KMT2A: variants seen among roughly 807,000 people sequenced by gnomAD.
KMT2A encodes histone-lysine N-methyltransferase 2A.
Under a neutral mutation model 345.3 loss-of-function variants are expected in KMT2A, and 16 were observed. The observed-to-expected ratio is 0.05, with a 90% CI of 0.03 to 0.07. The LOEUF (loss-of-function observed/expected upper bound fraction) is 0.07. Ranked by LOEUF, KMT2A falls within the 10% of genes least tolerant of loss-of-function variation. The probability of loss-of-function intolerance (pLI) is 1.00; values close to 1 mark genes in which losing one functional copy is unlikely to be tolerated. For missense variants in KMT2A, 3,272 were observed against 4,841.6 expected (o/e 0.68, Z 9.62); for synonymous variants, 1,599 against 1,778.6 (o/e 0.90, Z 2.54).
At chr11:118,451,244 C>G in intron 1 of KMT2A, among the ~76,000 whole-genome samples, 1 of 137,322 alleles carries the variant, frequency 7.3e-6, no homozygotes, top group South Asian at 2.4e-4. Context: ...CAGGTTTTTG[C>G]TCTTCCACCC....
Position 118,497,496 on chromosome 11 carries a change from A to C in KMT2A, c.5665-440A>C, listed in dbSNP as rs1164639563. Among the ~76,000 whole-genome samples, 2 of 152,088 alleles carry C rather than the reference A, an allele frequency of 1.3e-5. No homozygotes were observed. The highest frequency in any genetic ancestry group is 4.8e-5 in the African/African-American group (2 of 41,402). ...CTGCAATCTCGGCTTCCGGGGCTCA[A>C]GTGATCCTCCTACCTCAGCCTCCTG... On this transcript the variant is annotated intron_variant, in intron 20 of 35. Coordinates refer to ENST00000534358, the MANE Select transcript of KMT2A (RefSeq NM_001197104.2). This position sits in a 1 kb window ranked among gnomAD's most constrained non-coding sequence, Gnocchi z 4.8.
At position 118,523,204 on chromosome 11, in the gene KMT2A, C is replaced by T. The variant is rs1163053685; in HGVS notation, c.*1032C>T. 3 of 229,358 alleles carry T rather than the reference C, an allele frequency of 1.3e-5. No homozygotes were observed. Among genetic ancestry groups the T allele is most frequent in the Non-Finnish European group, 2.6e-5 (3 of 115,470 alleles). The allele number at this position is 229,358 out of a possible 1,614,324, so 14.2% of individuals were successfully genotyped here. ...CATGCAACAACGAGAGTATCACAGC[C>T]AGGATGACCCTTGGGTCCCATTCCT... On this transcript the variant is annotated 3_prime_UTR_variant, in exon 36 of 36. Transcript: ENST00000534358.
In KMT2A at chr11:118,501,116, G is replaced by A; in HGVS notation, c.6288G>A (p.Arg2096=). Residue 2096 remains arginine, a synonymous_variant, in exon 25 of 36, where the codon AGG becomes AGA. Transcript: ENST00000534358. ...GCACTGTTGAACATGATGAAAACAG[G>A]ACCATTGCCCATAGTCCAACATCTT... ...INSTVEHDEN[R]TIAHSPTSFT... 1 of 1,614,064 alleles carries A rather than the reference G, an allele frequency of 6.2e-7. No homozygotes were observed. The highest frequency in any genetic ancestry group is 8.5e-7 in the Non-Finnish European group (1 of 1,179,984).
At chr11:118,492,074 A>G in intron 15 of KMT2A, 146 bp downstream of exon 15, 1 of 621,594 alleles carries the variant, frequency 1.6e-6, no homozygotes, top group Admixed American at 2.9e-5. Context: ...AGAGCCAAGA[A>G]TAGGACCTTC....
At position 118,447,283 on chromosome 11, in the gene KMT2A, T is replaced by C. The variant is rs184665705; in HGVS notation, c.432+10339T>C. On this transcript the variant is annotated intron_variant, in intron 1 of 35. Transcript: ENST00000534358. ...TAAGACACGGGCCATTTCTAAGTCA[T>C]CATTTATGTTTTATGTTTTTTATAA... Among the ~76,000 whole-genome samples, 247 of 152,364 alleles carry C rather than the reference T, an allele frequency of 1.6e-3. No homozygotes were observed. The Middle Eastern group carries it at 0.034, about 21-fold the overall frequency.
intron 31 of KMT2A, among the ~76,000 whole-genome samples, chr11:118,514,736 C>G (rs376154793): frequency 2.8e-4 from 42 of 151,996 alleles, no homozygotes; most frequent in Admixed American, 3.9e-4. Flanking sequence ...CGAATTCAAG[C>G]GATTCTCCTG....
rs524616 is a variant in KMT2A at position 118,498,551 on chromosome 11, A to T, written c.5961+23A>T. On this transcript the variant is annotated intron_variant, in intron 22 of 35. Transcript: ENST00000534358. The surrounding 1 kb of genome is among the most constrained non-coding windows in gnomAD (Gnocchi z 4.4). ...GAAGTGAGAGAGCTTTAGTTGCTTT[A>T]AAAAAAAAAAAAAAGACTTTTTTAG... 31 of 177,592 alleles carry T rather than the reference A, an allele frequency of 1.7e-4. No homozygotes were observed. The highest frequency in any genetic ancestry group is 6.2e-4 in the South Asian group (4 of 6,416). 11.0% of individuals were successfully genotyped at this position (177,592 alleles called of 1,614,324 possible). A position where few individuals can be genotyped will look rare whatever the true frequency, so the allele number is the denominator to read the frequency against.
At position 118,522,225 on chromosome 11, in the gene KMT2A, C is replaced by T. The variant is rs1950986084; in HGVS notation, c.*53C>T. 6 of 1,593,106 alleles carry T rather than the reference C, an allele frequency of 3.8e-6. No individual in the cohort carries two copies. In the South Asian group the frequency reaches 6.8e-5, roughly 18 times the overall value. ...TGCAAGGAGGCGGGGCCATCCAAAG[C>T]AACGCTGAAGGCCTTTTCCAGCAGC... On this transcript the variant is annotated 3_prime_UTR_variant, in exon 36 of 36. Transcript: ENST00000534358. This position sits in a 1 kb window ranked among gnomAD's most constrained non-coding sequence, Gnocchi z 5.4.
At chr11:118,499,204 T>G in intron 22 of KMT2A, 99 bp from the exon 23 acceptor site, 54 of 765,004 alleles carry the variant, frequency 7.1e-5, no homozygotes, top group Non-Finnish European at 8.6e-5. Context: ...AGGATGCTTT[T>G]GAGATATGCT....
chr11:118,474,996 G>A (rs1201109798), intron 3 of KMT2A, among the ~76,000 whole-genome samples: 2 of 151,998 alleles, frequency 1.3e-5, no homozygotes, highest in African/African-American at 4.8e-5. Context: ...AGCTGGGCGT[G>A]GTGATGCATG....
In KMT2A at chr11:118,504,167, G is replaced by A. The variant is rs2134397611; in HGVS notation, c.8275G>A (p.Asp2759Asn). ...KENGTENLKIDRPEDAGEKEH... is the reference protein window; with the variant it reads ...KENGTENLKINRPEDAGEKEH... The stretch of plus-strand genomic sequence containing the variant: ...AAATGGAACAGAGAACTTAAAGATT[G>A]ATAGACCTGAAGATGCTGGGGAGAA... Residue 2759 changes from aspartate (D) to asparagine (N), a missense_variant, in exon 27 of 36, where the codon GAT becomes AAT. Asp to Asn is a conservative substitution (Grantham distance 23, BLOSUM62 1). Transcript: ENST00000534358. The surrounding 1 kb of genome is among the most constrained non-coding windows in gnomAD (Gnocchi z 6.4). 1 of 1,614,150 alleles carries A rather than the reference G, an allele frequency of 6.2e-7. No individual in the cohort carries two copies. Among genetic ancestry groups the A allele is most frequent in the Non-Finnish European group, 8.5e-7 (1 of 1,180,028 alleles).
At chr11:118,475,679 C>T (rs1056061112) in intron 3 of KMT2A, among the ~76,000 whole-genome samples, 1 of 152,148 alleles carries the variant, frequency 6.6e-6, no homozygotes, top group Admixed American at 6.5e-5. Flanking sequence ...GCCGAGATCA[C>T]GGCACTACAC....
At chr11:118,492,147 T>C (rs1227963604) in intron 15 of KMT2A, among the ~76,000 whole-genome samples, 1 of 152,228 alleles carries the variant, frequency 6.6e-6, no homozygotes. Context: ...ATGAGAAATT[T>C]GGACTTTATA....
At chr11:118,457,507 A>G (rs1374054626) in intron 1 of KMT2A, among the ~76,000 whole-genome samples, 2 of 151,582 alleles carry the variant, frequency 1.3e-5, no homozygotes, top group East Asian at 3.9e-4. Flanking sequence ...TCCTGACCTC[A>G]TGATCCACCT....
chr11:118,459,670 AT>A lies in KMT2A; in HGVS notation c.433-9092del, dbSNP rs1167349535. On this transcript the variant is annotated intron_variant, in intron 1 of 35. Transcript: ENST00000534358. ...CTCTGACTATGGTATATTGAAAATA[AT>A]TTTTTTTTTTTTGAAATGGAGTCTT... 1.4e-3 allele frequency among the ~76,000 whole-genome samples: 206 copies of A among 145,682 alleles called. 1 individual carries two copies. The East Asian group carries it at 0.024, about 17-fold the overall frequency.
chr11:118,511,870 A>C (rs782131131), intron 30 of KMT2A, 81 bp from the exon 31 acceptor site: 49 of 1,048,318 alleles, frequency 4.7e-5, no homozygotes, highest in Non-Finnish European at 7.2e-5. Flanking sequence ...GATTCTAAGC[A>C]GTGCTTGTGC....
Position 118,502,955 on chromosome 11 carries a change from G to A in KMT2A, c.7063G>A (p.Ala2355Thr), listed in dbSNP as rs782689864. 1 of 1,614,116 alleles carries A rather than the reference G, an allele frequency of 6.2e-7. No homozygotes were observed. The highest frequency in any genetic ancestry group is 1.1e-5 in the South Asian group (1 of 91,076). ...ELNVSKIGSFAEPSSVSFSSK... is the reference protein window; with the variant it reads ...ELNVSKIGSFTEPSSVSFSSK... ...GAATGTTAGTAAAATCGGCTCCTTT[G>A]CTGAACCCTCTTCAGTGTCGTTTTC... The change falls in exon 27 of 36, where the codon GCT (alanine) becomes ACT (threonine). Residue 2355 changes from alanine (A) to threonine (T), a missense_variant. Coordinates refer to ENST00000534358, the MANE Select transcript of KMT2A (RefSeq NM_001197104.2). The surrounding 1 kb of genome is among the most constrained non-coding windows in gnomAD (Gnocchi z 4.9).
intron 31 of KMT2A, chr11:118,512,320 A>C: frequency 5.0e-6 from 2 of 403,460 alleles, no homozygotes; most frequent in Non-Finnish European, 8.8e-6. Context: ...GCCACCACAA[A>C]TCTACTTTCT....
rs1435899573 is a variant in KMT2A at position 118,495,602 on chromosome 11, C to T, written c.5364-98C>T. 2.3e-6 allele frequency: 2 copies of T among 871,060 alleles called. No individual in the cohort carries two copies. The highest frequency in any genetic ancestry group is 3.1e-5 in the Admixed American group (1 of 32,464). 54.0% of individuals were successfully genotyped at this position (871,060 alleles called of 1,614,324 possible). A position where few individuals can be genotyped will look rare whatever the true frequency, so the allele number is the denominator to read the frequency against. On this transcript the variant is annotated intron_variant, in intron 18 of 35. Coordinates refer to ENST00000534358, the MANE Select transcript of KMT2A (RefSeq NM_001197104.2). The surrounding 1 kb of genome is among the most constrained non-coding windows in gnomAD (Gnocchi z 4.1). Reference sequence around the variant, plus strand: ...TTGTTCTTATATTCTGTGAATGGCTCCTACATGGGGCAACAGGTGATATCA... The same window carrying T: ...TTGTTCTTATATTCTGTGAATGGCTTCTACATGGGGCAACAGGTGATATCA...
Sources: gnomAD v4.1 joint callset for allele counts (sites outside exome capture counted in the v4.1 genomes callset) on GRCh38, gnomAD v4.1.1 for gene constraint, Gnocchi (gnomAD v3.1) non-coding constraint, MANE v1.5 for transcripts, NCBI Gene and HGNC (gene_info 2026-07-23, HGNC 2026-07-21) for gene names.